The following DGKD variants were observed in gnomAD, a reference collection of about 807,000 sequenced individuals.
The protein encoded by DGKD is diacylglycerol kinase delta, also known as DAG kinase delta.
A neutral mutation model predicts 154.4 loss-of-function variants in DGKD; 68 were observed. That is an observed-to-expected ratio of 0.44 (90% CI 0.36 to 0.54). The LOEUF is 0.54. Among genes scored for constraint, DGKD ranks in the 20% least tolerant of loss-of-function variants. DGKD has a pLI of 0.00. For synonymous variants in DGKD, 693 were observed against 638.0 expected (o/e 1.09, Z -1.30); for missense variants, 1,343 against 1,593.6 (o/e 0.84, Z 2.68).
At chr2:233,361,912 C>T (rs1382777434) in intron 1 of DGKD, among the ~76,000 whole-genome samples, 1 of 152,128 alleles carries the variant, frequency 6.6e-6, no homozygotes, top group Non-Finnish European at 1.5e-5. Flanking sequence ...TCTCCTGCCT[C>T]AGCCCCCCGA....
intron 19 of DGKD, among the ~76,000 whole-genome samples, chr2:233,455,577 C>G (rs1051377518): frequency 5.9e-5 from 9 of 152,214 alleles, no homozygotes; most frequent in African/African-American, 2.2e-4. Flanking sequence ...ATTAGAACTA[C>G]AGAGAGGGAG....
At chr2:233,390,538 T>A in intron 3 of DGKD, 55 bp downstream of exon 3, 1 of 1,352,592 alleles carries the variant, frequency 7.4e-7, no homozygotes, top group Non-Finnish European at 1.1e-6. Flanking sequence ...GGCTTTCCTT[T>A]TTGATCTGAA....
chr2:233,450,167 T>A (rs1295485665), intron 16 of DGKD, 36 bp downstream of exon 16: 1 of 1,567,866 alleles, frequency 6.4e-7, no homozygotes, highest in East Asian at 2.3e-5. Context: ...CGCACCGTCG[T>A]GTGCTTGGTT....
At chr2:233,374,836 C>A (rs1049034512) in intron 1 of DGKD, among the ~76,000 whole-genome samples, 2 of 150,990 alleles carry the variant, frequency 1.3e-5, no homozygotes, top group Non-Finnish European at 2.9e-5. Flanking sequence ...GAGATAGAGT[C>A]TCTATAAAAG....
chr2:233,383,393 C>T (rs1446496184), intron 1 of DGKD, among the ~76,000 whole-genome samples: 2 of 152,106 alleles, frequency 1.3e-5, no homozygotes, highest in Non-Finnish European at 2.9e-5. Flanking sequence ...GACTGGCTGT[C>T]AGCAGTAGTG....
intron 3 of DGKD, among the ~76,000 whole-genome samples, chr2:233,417,683 A>G (rs551226438): frequency 6.6e-6 from 1 of 152,174 alleles, no homozygotes; most frequent in Non-Finnish European, 1.5e-5. Flanking sequence ...AACAAACAAA[A>G]ACCACTCAAA....
At chr2:233,432,386 G>A (rs1043448168) in intron 3 of DGKD, among the ~76,000 whole-genome samples, 2 of 141,302 alleles carry the variant, frequency 1.4e-5, no homozygotes, top group Admixed American at 6.8e-5. Context: ...TTAGCCGGGC[G>A]TGGTTGCTCA....
chr2:233,420,861 A>G (rs2062091237), intron 3 of DGKD, among the ~76,000 whole-genome samples: 1 of 152,140 alleles, frequency 6.6e-6, no homozygotes, highest in African/African-American at 2.4e-5. Context: ...ACACTTTCCC[A>G]GATTCCCTGT....
rs766037105 is a variant in DGKD, at chr2:233,450,040, T to C, written c.1947T>C (p.Ser649=). The change falls in exon 16 of 30, where the codon TCT becomes TCC. Residue 649 remains serine, a synonymous_variant. Transcript: ENST00000264057. ...QEQEGFVLGL[S]ESEEKMDHRV... Reference sequence around the variant, plus strand: ...AGGAGGGCTTCGTCCTGGGCCTCTCTGAGTCAGAGGAGAAGATGGACCACA... The same window carrying C: ...AGGAGGGCTTCGTCCTGGGCCTCTCCGAGTCAGAGGAGAAGATGGACCACA... The C allele has an allele frequency of 2.5e-6, 4 of 1,613,802 alleles. No homozygotes were observed. In the Admixed American group the frequency reaches 6.7e-5, roughly 27 times the overall value.
Position 233,450,074 on chromosome 2 carries a change from C to T in DGKD, c.1981C>T (p.Pro661Ser), listed in dbSNP as rs768143587. 1 of 1,613,982 alleles carries T rather than the reference C, an allele frequency of 6.2e-7. No individual in the cohort carries two copies. The highest frequency in any genetic ancestry group is 1.1e-5 in the South Asian group (1 of 91,076). Reference protein sequence around the residue: ...SEEKMDHRVCPPLSHSESFGV... With the variant: ...SEEKMDHRVCSPLSHSESFGV... ...GGAGAAGATGGACCACAGAGTGTGC[C>T]CACCACTGTCCCACAGCGAGAGCTT... The change falls in exon 16 of 30, where the codon CCA (proline) becomes TCA (serine). Residue 661 changes from proline to serine, a missense_variant. Pro to Ser is a moderately conservative substitution (Grantham distance 74). This residue lies in a region of DGKD where 409 missense variants were observed against 446.0 expected (regional missense o/e 0.92). Coordinates refer to ENST00000264057, the MANE Select transcript of DGKD (RefSeq NM_152879.3).
intron 2 of DGKD, 42 bp from the exon 3 acceptor site, chr2:233,390,361 C>T (rs1372694657): frequency 6.5e-7 from 1 of 1,536,132 alleles, no homozygotes. Flanking sequence ...AGGGATGTAC[C>T]TGTCTTTATG....
At chr2:233,398,782 A>G (rs2061486252) in intron 3 of DGKD, among the ~76,000 whole-genome samples, 1 of 152,044 alleles carries the variant, frequency 6.6e-6, no homozygotes, top group South Asian at 2.1e-4. Flanking sequence ...CCGCCACCAC[A>G]CCCGGCTAAT....
intron 4 of DGKD, 65 bp downstream of exon 4, chr2:233,434,549 T>C: frequency 1.3e-6 from 2 of 1,503,678 alleles, no homozygotes; most frequent in South Asian, 2.3e-5. Context: ...GTGTCTGCTG[T>C]CTGAGTGTCT....
Position 233,459,847 on chromosome 2 carries a change from C to T in DGKD, c.2785C>T (p.Arg929Trp), listed in dbSNP as rs1453085936. Reference protein sequence around the residue: ...EAWVQPPGYIRIVHKNRAQTL... With the variant: ...EAWVQPPGYIWIVHKNRAQTL... ...CTGGGTCCAGCCGCCAGGGTACATTCGGATTGTCCACAAGAACCGGGCACA... is the reference window on the plus strand; with the variant it reads ...CTGGGTCCAGCCGCCAGGGTACATTTGGATTGTCCACAAGAACCGGGCACA... The change falls in exon 23 of 30, where the codon CGG becomes TGG. Residue 929 changes from arginine to tryptophan, a missense_variant. Physicochemically the swap from Arg to Trp is moderately radical, Grantham distance 101 (BLOSUM62 -3). Around this residue, in one of 6 missense-constraint regions of DGKD, gnomAD observed 429 missense variants for 496.3 expected, o/e 0.86. Coordinates refer to ENST00000264057, the MANE Select transcript of DGKD (RefSeq NM_152879.3). This position sits in a 1 kb window ranked among gnomAD's most constrained non-coding sequence, Gnocchi z 5.7. The T allele has an allele frequency of 1.2e-5, 19 of 1,613,928 alleles. No homozygotes were observed. Among genetic ancestry groups the T allele is most frequent in the Admixed American group, 3.3e-5 (2 of 59,996 alleles).
intron 1 of DGKD, chr2:233,388,026 C>T: frequency 1.1e-6 from 1 of 904,502 alleles, no homozygotes; most frequent in Non-Finnish European, 1.6e-6. Context: ...CCTCTTGACA[C>T]CCCCACCCAC....
chr2:233,360,415 T>A (rs1440063501), intron 1 of DGKD, among the ~76,000 whole-genome samples: 1 of 152,136 alleles, frequency 6.6e-6, no homozygotes, highest in Non-Finnish European at 1.5e-5. Flanking sequence ...GATGCCTGGC[T>A]AATTTAAAAA....
Position 233,469,489 on chromosome 2 carries a change from C to T in DGKD, c.*29C>T. On this transcript the variant is annotated 3_prime_UTR_variant, in exon 30 of 30. Transcript: ENST00000264057. The stretch of plus-strand genomic sequence containing the variant: ...CTGTCCTCTCAGCCTGTGGCCTCCA[C>T]ATCCCCGCCGCCGAGGCCTAGCCTC... The T allele has an allele frequency of 1.3e-6, 2 of 1,559,766 alleles. No homozygotes were observed. The highest frequency in any genetic ancestry group is 1.7e-6 in the Non-Finnish European group (2 of 1,150,174).
At chr2:233,410,285 C>A (rs1056706311) in intron 3 of DGKD, among the ~76,000 whole-genome samples, 7 of 152,134 alleles carry the variant, frequency 4.6e-5, no homozygotes, top group Non-Finnish European at 8.8e-5. Flanking sequence ...GGGACACTGA[C>A]CTTGGAGGCA....
At chr2:233,467,883 TCTGA>T (rs1395505133) in intron 28 of DGKD, among the ~76,000 whole-genome samples, 5 of 152,150 alleles carry the variant, frequency 3.3e-5, no homozygotes, top group Admixed American at 6.5e-5. Context: ...TAATGGTGGC[TCTGA>T]CTATGTGAAT....
Sources: allele counts gnomAD v4.1 joint callset (sites outside exome capture counted in the v4.1 genomes callset), GRCh38; gene constraint gnomAD v4.1.1; regional missense constraint gnomAD v4.1.1; non-coding constraint Gnocchi (gnomAD v3.1); transcripts MANE v1.5; gene names NCBI Gene and HGNC (gene_info 2026-07-23, HGNC 2026-07-21).